Variants in ATXN7L3B observed in about 807,000 individuals in gnomAD.
ATXN7L3B encodes the protein ataxin 7 like 3B.
ATXN7L3B carries 4 observed loss-of-function variants against 6.3 expected under a neutral mutation model. The observed-to-expected ratio is 0.63, with a 90% CI of 0.31 to 1.45. The LOEUF (loss-of-function observed/expected upper bound fraction) is 1.45, where lower values mean the gene tolerates loss of function less well. ATXN7L3B is among the 40% of genes most tolerant of loss of function. The probability of loss-of-function intolerance (pLI) is 0.07; values close to 1 mark genes in which losing one functional copy is unlikely to be tolerated. For synonymous variants in ATXN7L3B, 63 were observed against 48.0 expected, an observed-to-expected ratio of 1.31 and a Z score of -1.29; for missense variants, 120 against 118.5, an observed-to-expected ratio of 1.01 and a Z score of -0.06.
chr12:74,544,459 G>A lies in ATXN7L3B; in HGVS notation c.*6053G>A, dbSNP rs1429951151. 1.3e-5 allele frequency: 2 copies of A among 151,930 alleles called. No individual in the cohort carries two copies. The allele number at this position is 151,930 out of a possible 1,614,324, so 9.4% of individuals were successfully genotyped here. On this transcript the variant is annotated 3_prime_UTR_variant, in exon 1 of 1. Coordinates refer to ENST00000519948, the MANE Select transcript of ATXN7L3B (RefSeq NM_001136262.2). ...GACAGATGTATATTTTAGTTTTGGT[G>A]CAGAAACAATGGAATAGAATAGAGT...
At position 74,538,270 on chromosome 12, in the gene ATXN7L3B, C is replaced by T. The variant is rs1286873158; in HGVS notation, c.158C>T (p.Thr53Ile). Residue 53 changes from threonine (T) to isoleucine (I), a missense_variant, in exon 1 of 1, where the codon ACT (threonine) becomes ATT (isoleucine). Thr to Ile is a moderately conservative substitution (Grantham distance 89, BLOSUM62 -1). Transcript: ENST00000519948. ...CGYFYLEFAE[T>I]GSVKDFGIQP... ...TACTTCTACCTGGAGTTCGCAGAGA[C>T]TGGTAGCGTGAAGGATTTTGGCATT... The T allele has an allele frequency of 1.9e-6, 3 of 1,577,142 alleles. No individual in the cohort carries two copies. The highest frequency in any genetic ancestry group is 2.6e-6 in the Non-Finnish European group (3 of 1,161,470).
Position 74,538,416 on chromosome 12 carries a change from G to T in ATXN7L3B, c.*10G>T. 7 of 1,548,552 alleles carry T rather than the reference G, an allele frequency of 4.5e-6. No homozygotes were observed. The highest frequency in any genetic ancestry group is 5.2e-6 in the Non-Finnish European group (6 of 1,145,086). On this transcript the variant is annotated 3_prime_UTR_variant, in exon 1 of 1. Transcript: ENST00000519948. ...TCCGGAATTCCAGTAGCTGCAAAAT[G>T]AGAGTCTGAAAGTGGCCAGGACAAT...
rs975339028 is a variant in ATXN7L3B at position 74,538,582 on chromosome 12, T to G, written c.*176T>G. The G allele has an allele frequency of 2.1e-5, 14 of 671,090 alleles. No individual in the cohort carries two copies. The African/African-American group carries it at 2.2e-4, about 10-fold the overall frequency. 41.6% of individuals were successfully genotyped at this position (671,090 alleles called of 1,614,324 possible). On this transcript the variant is annotated 3_prime_UTR_variant, in exon 1 of 1. Coordinates refer to ENST00000519948, the MANE Select transcript of ATXN7L3B (RefSeq NM_001136262.2). ...TAATTTAGGAATCCTTTTTTTAAAGTGTATTACCTGGAGCAAGCTCTGAAG... is the reference window on the plus strand; with the variant it reads ...TAATTTAGGAATCCTTTTTTTAAAGGGTATTACCTGGAGCAAGCTCTGAAG...
In ATXN7L3B at chr12:74,541,902, A is replaced by G. The variant is rs1868909514; in HGVS notation, c.*3496A>G. ...TTAAAAAATTACCTCAACACTTTAG[A>G]TCTTTCATTTCATTTTTAATAGTAA... On this transcript the variant is annotated 3_prime_UTR_variant, in exon 1 of 1. Transcript: ENST00000519948. The G allele has an allele frequency of 6.6e-6, 1 of 152,166 alleles. No individual in the cohort carries two copies. 9.4% of individuals were successfully genotyped at this position (152,166 alleles called of 1,614,324 possible). A position where few individuals can be genotyped will look rare whatever the true frequency, so the allele number is the denominator to read the frequency against.
In ATXN7L3B at chr12:74,537,858, A is replaced by G. The variant is rs1465403914; in HGVS notation, c.-255A>G. ...CCAGGAGGCTGGGTGAGGCGCTGAG[A>G]CGGTTTGGCGGTGAGTCCTGGGCCA... On this transcript the variant is annotated 5_prime_UTR_variant, in exon 1 of 1. Coordinates refer to ENST00000519948, the MANE Select transcript of ATXN7L3B (RefSeq NM_001136262.2). 4.2e-6 allele frequency: 2 copies of G among 477,164 alleles called. No homozygotes were observed. Among genetic ancestry groups the G allele is most frequent in the Non-Finnish European group, 7.5e-6 (2 of 265,450 alleles). 29.6% of individuals were successfully genotyped at this position (477,164 alleles called of 1,614,324 possible).
chr12:74,539,963 T>A lies in ATXN7L3B; in HGVS notation c.*1557T>A, dbSNP rs1868840478. ...CCTGTCCCCTGCTCCACTGCCTATC[T>A]GGTGCCCCAGGTGCTGCTTGCCACT... On this transcript the variant is annotated 3_prime_UTR_variant, in exon 1 of 1. Coordinates refer to ENST00000519948, the MANE Select transcript of ATXN7L3B (RefSeq NM_001136262.2). 6.0e-6 allele frequency: 1 copy of A among 167,538 alleles called. No homozygotes were observed. Among genetic ancestry groups the A allele is most frequent in the African/African-American group, 2.4e-5 (1 of 41,448 alleles). The allele number at this position is 167,538 out of a possible 1,614,324, so 10.4% of individuals were successfully genotyped here.
In ATXN7L3B at chr12:74,539,565, T is replaced by G. The variant is rs200143738; in HGVS notation, c.*1159T>G. 1 of 99,308 alleles carries G rather than the reference T, an allele frequency of 1.0e-5. No individual in the cohort carries two copies. The highest frequency in any genetic ancestry group is 2.1e-5 in the Non-Finnish European group (1 of 47,750). The allele number at this position is 99,308 out of a possible 1,614,324, so 6.2% of individuals were successfully genotyped here. The stretch of plus-strand genomic sequence containing the variant: ...GTCCCTGTTTTCTTTGGTTGGGCAG[T>G]CAGAGCTCTGCTATGGTGAACATCC... On this transcript the variant is annotated 3_prime_UTR_variant, in exon 1 of 1. Transcript: ENST00000519948.
chr12:74,542,355 T>C lies in ATXN7L3B; in HGVS notation c.*3949T>C, dbSNP rs1868920026. The C allele has an allele frequency of 6.6e-6, 1 of 152,198 alleles. No homozygotes were observed. Among genetic ancestry groups the C allele is most frequent in the Non-Finnish European group, 1.5e-5 (1 of 68,010 alleles). 9.4% of individuals were successfully genotyped at this position (152,198 alleles called of 1,614,324 possible). On this transcript the variant is annotated 3_prime_UTR_variant, in exon 1 of 1. Transcript: ENST00000519948. ...AAGATTTCTACTACTTTTATTAAAA[T>C]TCACTGTAGGGATCTACTATCAATT... is the stretch of plus-strand genomic sequence containing the variant.
At position 74,538,237 on chromosome 12, in the gene ATXN7L3B, A is replaced by G. The variant is rs759298204; in HGVS notation, c.125A>G (p.Lys42Arg). The G allele has an allele frequency of 6.2e-7, 1 of 1,601,022 alleles. No homozygotes were observed. ...TGCTTTGAGGTGCACCGGGCAGTCAAGTGTGGCTACTTCTACCTGGAGTTC... is the reference window on the plus strand; with the variant it reads ...TGCTTTGAGGTGCACCGGGCAGTCAGGTGTGGCTACTTCTACCTGGAGTTC... ...GFCFEVHRAVKCGYFYLEFAE... is the reference protein window; with the variant it reads ...GFCFEVHRAVRCGYFYLEFAE... The change falls in exon 1 of 1, where the codon AAG becomes AGG. Residue 42 changes from lysine to arginine, a missense_variant. By Grantham distance (26) the Lys-to-Arg change is conservative. Coordinates refer to ENST00000519948, the MANE Select transcript of ATXN7L3B (RefSeq NM_001136262.2).
rs1261404021 is a variant in ATXN7L3B at position 74,540,138 on chromosome 12, G to T, written c.*1732G>T. On this transcript the variant is annotated 3_prime_UTR_variant, in exon 1 of 1. Transcript: ENST00000519948. ...GACTCAGAGGAGAATCTTTCTTATG[G>T]CTCCCTCTGTTGAGATTGGAATTGG... 1 of 165,438 alleles carries T rather than the reference G, an allele frequency of 6.0e-6. No individual in the cohort carries two copies. Among genetic ancestry groups the T allele is most frequent in the Non-Finnish European group, 1.5e-5 (1 of 67,952 alleles). 10.2% of individuals were successfully genotyped at this position (165,438 alleles called of 1,614,324 possible).
In ATXN7L3B at chr12:74,538,635, G is replaced by T; in HGVS notation, c.*229G>T. The T allele has an allele frequency of 1.8e-6, 1 of 560,560 alleles. No homozygotes were observed. The highest frequency in any genetic ancestry group is 3.3e-6 in the Non-Finnish European group (1 of 306,062). The allele number at this position is 560,560 out of a possible 1,614,324, so 34.7% of individuals were successfully genotyped here. ...CTGGGCAGGAGGAGCTGCACAGCCT[G>T]CGGGCCATGCAGTGCCTGTTGATCT... On this transcript the variant is annotated 3_prime_UTR_variant, in exon 1 of 1. Transcript: ENST00000519948.
rs976387409 is a variant in ATXN7L3B, at chr12:74,540,222, A to G, written c.*1816A>G. The G allele has an allele frequency of 4.2e-5, 7 of 166,978 alleles. No homozygotes were observed. Among genetic ancestry groups the G allele is most frequent in the East Asian group, 1.9e-4 (1 of 5,204 alleles). The allele number at this position is 166,978 out of a possible 1,614,324, so 10.3% of individuals were successfully genotyped here. On this transcript the variant is annotated 3_prime_UTR_variant, in exon 1 of 1. Coordinates refer to ENST00000519948, the MANE Select transcript of ATXN7L3B (RefSeq NM_001136262.2). ...TGTCATGCCTATAAGCATTTCTCCT[A>G]TATAGGACTGCTTTGCTAGTGTGCC...
Position 74,540,292 on chromosome 12 carries a change from C to G in ATXN7L3B, c.*1886C>G, listed in dbSNP as rs1044583. The stretch of plus-strand genomic sequence containing the variant: ...CATAAGGAGTTGTATCTTCCCACCT[C>G]CATTTCAATACTGCCGGTTAGGACC... On this transcript the variant is annotated 3_prime_UTR_variant, in exon 1 of 1. Coordinates refer to ENST00000519948, the MANE Select transcript of ATXN7L3B (RefSeq NM_001136262.2). The G allele has an allele frequency of 0.19, 31,139 of 166,990 alleles. 4,344 individuals are homozygous for G. The highest frequency in any genetic ancestry group is 0.41 in the African/African-American group (16,912 of 41,438). The allele number at this position is 166,990 out of a possible 1,614,324, so 10.3% of individuals were successfully genotyped here.
chr12:74,538,699 C>G lies in ATXN7L3B; in HGVS notation c.*293C>G, dbSNP rs1321695205. 2.4e-6 allele frequency: 1 copy of G among 412,970 alleles called. No homozygotes were observed. The highest frequency in any genetic ancestry group is 4.6e-6 in the Non-Finnish European group (1 of 217,182). The allele number at this position is 412,970 out of a possible 1,614,324, so 25.6% of individuals were successfully genotyped here. A position where few individuals can be genotyped will look rare whatever the true frequency, so the allele number is the denominator to read the frequency against. ...GATGTGCGCAAGATCCTGTAGTGCCCCCAGTGCACAGGTGAGCAGTTGTGT... is the reference window on the plus strand; with the variant it reads ...GATGTGCGCAAGATCCTGTAGTGCCGCCAGTGCACAGGTGAGCAGTTGTGT... On this transcript the variant is annotated 3_prime_UTR_variant, in exon 1 of 1. Coordinates refer to ENST00000519948, the MANE Select transcript of ATXN7L3B (RefSeq NM_001136262.2).
rs1290246106 is a variant in ATXN7L3B, at chr12:74,543,315, A to G, written c.*4909A>G. On this transcript the variant is annotated 3_prime_UTR_variant, in exon 1 of 1. Coordinates refer to ENST00000519948, the MANE Select transcript of ATXN7L3B (RefSeq NM_001136262.2). ...ATGCTGCTGTTGTGACTCCTAGGTC[A>G]GCGGTCTTTGTTGAAGCAATGGAGT... 1 of 152,124 alleles carries G rather than the reference A, an allele frequency of 6.6e-6. No individual in the cohort carries two copies. Among genetic ancestry groups the G allele is most frequent in the East Asian group, 1.9e-4 (1 of 5,184 alleles). 9.4% of individuals were successfully genotyped at this position (152,124 alleles called of 1,614,324 possible). A position where few individuals can be genotyped will look rare whatever the true frequency, so the allele number is the denominator to read the frequency against.
Position 74,542,874 on chromosome 12 carries a change from T to A in ATXN7L3B, c.*4468T>A, listed in dbSNP as rs987099952. The A allele has an allele frequency of 6.6e-6, 1 of 152,192 alleles. No homozygotes were observed. The highest frequency in any genetic ancestry group is 1.5e-5 in the Non-Finnish European group (1 of 68,014). The allele number at this position is 152,192 out of a possible 1,614,324, so 9.4% of individuals were successfully genotyped here. On this transcript the variant is annotated 3_prime_UTR_variant, in exon 1 of 1. Transcript: ENST00000519948. ...GCTAAAAGCACAACAATTATTAAAT[T>A]TATTTTCATGTTGTTGTTTAATTAT...
chr12:74,538,565 G>A lies in ATXN7L3B; in HGVS notation c.*159G>A, dbSNP rs1352616489. Reference sequence around the variant, plus strand: ...TAAAAACCCAAAGTGGATAATTTAGGAATCCTTTTTTTAAAGTGTATTACC... The same window carrying A: ...TAAAAACCCAAAGTGGATAATTTAGAAATCCTTTTTTTAAAGTGTATTACC... On this transcript the variant is annotated 3_prime_UTR_variant, in exon 1 of 1. Coordinates refer to ENST00000519948, the MANE Select transcript of ATXN7L3B (RefSeq NM_001136262.2). The A allele has an allele frequency of 4.1e-6, 3 of 731,680 alleles. No homozygotes were observed. Among genetic ancestry groups the A allele is most frequent in the Non-Finnish European group, 6.7e-6 (3 of 445,304 alleles). The allele number at this position is 731,680 out of a possible 1,614,324, so 45.3% of individuals were successfully genotyped here. A position where few individuals can be genotyped will look rare whatever the true frequency, so the allele number is the denominator to read the frequency against.
In ATXN7L3B at chr12:74,540,136, T is replaced by C. The variant is rs1868848066; in HGVS notation, c.*1730T>C. The C allele has an allele frequency of 6.0e-6, 1 of 166,500 alleles. No homozygotes were observed. The highest frequency in any genetic ancestry group is 2.4e-5 in the African/African-American group (1 of 41,420). 10.3% of individuals were successfully genotyped at this position (166,500 alleles called of 1,614,324 possible). On this transcript the variant is annotated 3_prime_UTR_variant, in exon 1 of 1. Coordinates refer to ENST00000519948, the MANE Select transcript of ATXN7L3B (RefSeq NM_001136262.2). ...AAGACTCAGAGGAGAATCTTTCTTA[T>C]GGCTCCCTCTGTTGAGATTGGAATT...
rs995584333 is a variant in ATXN7L3B, at chr12:74,544,746, CAT to C, written c.*6342_*6343del. ...GGGAAAATTTCTTAAAAGTACAAAA[CAT>C]AGAGAAAAGATTGATGTGTTCGACC... On this transcript the variant is annotated 3_prime_UTR_variant, in exon 1 of 1. Coordinates refer to ENST00000519948, the MANE Select transcript of ATXN7L3B (RefSeq NM_001136262.2). The C allele has an allele frequency of 4.6e-5, 7 of 151,834 alleles. No homozygotes were observed. Among genetic ancestry groups the C allele is most frequent in the Non-Finnish European group, 8.8e-5 (6 of 67,802 alleles). The allele number at this position is 151,834 out of a possible 1,614,324, so 9.4% of individuals were successfully genotyped here. A position where few individuals can be genotyped will look rare whatever the true frequency, so the allele number is the denominator to read the frequency against.
Sources: gnomAD v4.1 joint callset for allele counts on GRCh38, gnomAD v4.1.1 for gene constraint, MANE v1.5 for transcripts, NCBI Gene and HGNC (gene_info 2026-07-23, HGNC 2026-07-21) for gene names.